The following ABCB1 variants were observed in gnomAD, a reference collection of about 807,000 sequenced individuals.
The protein encoded by ABCB1 is ATP-dependent translocase ABCB1.
Under a neutral mutation model 142.0 loss-of-function variants are expected in ABCB1, and 69 were observed. That is an observed-to-expected ratio of 0.49 (90% CI 0.40 to 0.59). ABCB1 has a LOEUF of 0.59. Ranked by LOEUF, ABCB1 falls within the 20% of genes least tolerant of loss-of-function variation. The pLI, the probability that ABCB1 is intolerant of heterozygous loss-of-function variation, is 0.00. For synonymous variants in ABCB1, 532 were observed against 539.2 expected (o/e 0.99, Z 0.18); for missense variants, 1,326 against 1,554.7 (o/e 0.85, Z 2.47).
chr7:87,655,003 G>A (rs542887343), intron 1 of ABCB1, among the ~76,000 whole-genome samples: 11 of 152,124 alleles, frequency 7.2e-5, no homozygotes, highest in African/African-American at 2.4e-4. Context: ...CCCCTCGTTA[G>A]AATGCATATT....
At chr7:87,526,363 T>C (rs1815784020) in intron 21 of ABCB1, among the ~76,000 whole-genome samples, 1 of 152,012 alleles carries the variant, frequency 6.6e-6, no homozygotes, top group Non-Finnish European at 1.5e-5. Flanking sequence ...TAGAGTACCA[T>C]GTGCTTTGTG....
At chr7:87,693,507 T>C (rs149358515) in intron 1 of ABCB1, among the ~76,000 whole-genome samples, 1,563 of 152,328 alleles carry the variant, frequency 0.01, 29 homozygotes, top group African/African-American at 0.035. Context: ...TGAGTGATTT[T>C]TTTTCCTAAC....
chr7:87,663,436 T>C (rs960155248), intron 1 of ABCB1, among the ~76,000 whole-genome samples: 3 of 152,166 alleles, frequency 2.0e-5, no homozygotes, highest in African/African-American at 7.2e-5. Context: ...TTCCCTACAG[T>C]TGGCTTTTCT....
chr7:87,638,345 T>TTGTGTGTGTG (rs71524692), intron 1 of ABCB1, among the ~76,000 whole-genome samples: 1,860 of 144,754 alleles, frequency 0.013, 46 homozygotes, highest in African/African-American at 0.044. Flanking sequence ...AAGTATGTGT[T>TTGTGTGTGTG]TGTGTGTGTG....
intron 23 of ABCB1, 104 bp from the exon 24 acceptor site, chr7:87,516,769 C>A (rs1486453510): frequency 8.2e-7 from 1 of 1,221,368 alleles, no homozygotes; most frequent in Non-Finnish European, 1.1e-6. Flanking sequence ...TGGGGTCTTC[C>A]TGTGTTGCCC....
Position 87,519,306 on chromosome 7 carries a change from A to G in ABCB1, c.2927+20T>C. 6 of 1,612,108 alleles carry G rather than the reference A, an allele frequency of 3.7e-6. No homozygotes were observed. Among genetic ancestry groups the G allele is most frequent in the South Asian group, 3.3e-5 (3 of 91,044 alleles). ...CAGCTTTATTTTTAGAGCTTAACTA[A>G]ATAATAGCCCAATACTTACAACAGA... On this transcript the variant is annotated intron_variant, in intron 23 of 27. Transcript: ENST00000622132.
chr7:87,556,014 G>C (rs1011319747), intron 8 of ABCB1, among the ~76,000 whole-genome samples: 1 of 152,142 alleles, frequency 6.6e-6, no homozygotes, highest in Non-Finnish European at 1.5e-5. Flanking sequence ...AGGGGGCAAA[G>C]GGAAATGAGA....
intron 21 of ABCB1, chr7:87,522,444 G>A (rs1815558036): frequency 1.7e-6 from 1 of 598,358 alleles, no homozygotes; most frequent in Non-Finnish European, 3.2e-6. Context: ...ATCTTAGCAG[G>A]AGATAAGAGC....
chr7:87,708,221 T>C (rs1411470873), intron 1 of ABCB1, among the ~76,000 whole-genome samples: 2 of 152,190 alleles, frequency 1.3e-5, no homozygotes, highest in Admixed American at 6.5e-5. Flanking sequence ...TTTAAAAAGA[T>C]TAATGCAGTT....
chr7:87,706,214 T>C (rs1368180756), intron 1 of ABCB1, among the ~76,000 whole-genome samples: 3 of 152,196 alleles, frequency 2.0e-5, no homozygotes, highest in Non-Finnish European at 4.4e-5. Flanking sequence ...CTAAGCAAGC[T>C]GAAGAATACA....
intron 1 of ABCB1, among the ~76,000 whole-genome samples, chr7:87,610,409 T>A (rs866894421): frequency 0.031 from 4,484 of 142,522 alleles, 160 homozygotes; most frequent in Middle Eastern, 0.049. Flanking sequence ...TTTTTTTTTT[T>A]TTTTTTTTTT....
chr7:87,572,889 C>A (rs550801258), intron 4 of ABCB1, among the ~76,000 whole-genome samples: 8 of 105,770 alleles, frequency 7.6e-5, no homozygotes, highest in Non-Finnish European at 1.4e-4. Flanking sequence ...ACACTGGAGA[C>A]TTTTGGAGTG....
intron 1 of ABCB1, among the ~76,000 whole-genome samples, chr7:87,698,099 A>G (rs1455601583): frequency 4.6e-5 from 7 of 152,092 alleles, no homozygotes; most frequent in Admixed American, 4.6e-4. Flanking sequence ...TTTATTTTTA[A>G]TTTTTTATTG....
intron 1 of ABCB1, chr7:87,709,114 C>T (rs932938516): frequency 1.1e-5 from 3 of 277,368 alleles, no homozygotes; most frequent in Non-Finnish European, 1.6e-5. Context: ...ACAACTTATC[C>T]TTATAATATA....
chr7:87,627,194 G>A (rs535490348), intron 1 of ABCB1, among the ~76,000 whole-genome samples: 9 of 152,210 alleles, frequency 5.9e-5, no homozygotes, highest in Non-Finnish European at 1.0e-4. Context: ...CAGAAATTAG[G>A]AATTTACAAC....
intron 1 of ABCB1, among the ~76,000 whole-genome samples, chr7:87,694,773 T>C (rs2130663460): frequency 6.6e-6 from 1 of 152,256 alleles, no homozygotes; most frequent in African/African-American, 2.4e-5. Context: ...AAACAAAACG[T>C]TTGTTCTCCA....
chr7:87,668,754 A>G (rs1825525185), intron 1 of ABCB1, among the ~76,000 whole-genome samples: 1 of 152,162 alleles, frequency 6.6e-6, no homozygotes, highest in Non-Finnish European at 1.5e-5. Context: ...ACTCAAGAGC[A>G]TGATGTTTAA....
chr7:87,577,405 C>T (rs1818313678), intron 4 of ABCB1, among the ~76,000 whole-genome samples: 1 of 152,052 alleles, frequency 6.6e-6, no homozygotes, highest in African/African-American at 2.4e-5. Context: ...TACTGGTTTC[C>T]TTTCTTTTGA....
intron 1 of ABCB1, among the ~76,000 whole-genome samples, chr7:87,610,035 A>G (rs4148730): frequency 0.048 from 7,360 of 152,234 alleles, 256 homozygotes; most frequent in East Asian, 0.086. Flanking sequence ...CTTGAGACAC[A>G]GATGAATTCT....
Sources: allele counts gnomAD v4.1 joint callset (sites outside exome capture counted in the v4.1 genomes callset), GRCh38; gene constraint gnomAD v4.1.1; transcripts MANE v1.5; gene names NCBI Gene and HGNC (gene_info 2026-07-23, HGNC 2026-07-21).